RGS17: variants seen among roughly 807,000 people sequenced by gnomAD.
The protein encoded by RGS17 is regulator of G-protein signaling 17.
Under a neutral mutation model 25.5 loss-of-function variants are expected in RGS17, and 12 were observed. The observed-to-expected ratio is 0.47, with a 90% confidence interval of 0.30 to 0.76. The LOEUF (loss-of-function observed/expected upper bound fraction) is 0.76. Among genes scored for constraint, RGS17 ranks in the 30% least tolerant of loss-of-function variants. The probability of loss-of-function intolerance (pLI) is 0.07; values close to 1 mark genes in which losing one functional copy is unlikely to be tolerated. For synonymous variants in RGS17, 71 were observed against 76.9 expected (o/e 0.92, Z 0.40); for missense variants, 196 against 242.2 (o/e 0.81, Z 1.27).
At chr6:153,032,555 C>T (rs531129093) in intron 2 of RGS17, among the ~76,000 whole-genome samples, 12 of 140,188 alleles carry the variant, frequency 8.6e-5, no homozygotes, top group Admixed American at 3.0e-4. Context: ...AAAGTTTCTG[C>T]GGGTAAATAC....
intron 1 of RGS17, among the ~76,000 whole-genome samples, chr6:153,048,717 A>C (rs1325717609): frequency 6.6e-6 from 1 of 152,184 alleles, no homozygotes; most frequent in African/African-American, 2.4e-5. Context: ...GTATTTACTG[A>C]AATGTTACAT....
intron 2 of RGS17, among the ~76,000 whole-genome samples, chr6:153,033,462 A>G (rs944801012): frequency 6.6e-6 from 1 of 152,186 alleles, no homozygotes; most frequent in African/African-American, 2.4e-5. Flanking sequence ...TCATGCTTGT[A>G]ATCCCAGCAC....
chr6:153,117,971 A>G (rs1219840705), intron 1 of RGS17, among the ~76,000 whole-genome samples: 3 of 152,250 alleles, frequency 2.0e-5, no homozygotes, highest in Non-Finnish European at 1.5e-5. Context: ...GGAGGGATGA[A>G]GAAGGGACCA....
intron 4 of RGS17, among the ~76,000 whole-genome samples, chr6:153,021,723 C>T (rs1287438423): frequency 6.6e-6 from 1 of 152,006 alleles, no homozygotes; most frequent in African/African-American, 2.4e-5. Flanking sequence ...GTCTCTGTTT[C>T]TTTGTGATAT....
At chr6:153,128,513 C>T (rs377002071) in intron 1 of RGS17, among the ~76,000 whole-genome samples, 1 of 152,142 alleles carries the variant, frequency 6.6e-6, no homozygotes, top group Non-Finnish European at 1.5e-5. Context: ...ATTATCTCTA[C>T]GGCTTTAGAT....
chr6:153,017,141 C>G (rs1779193429), intron 4 of RGS17, among the ~76,000 whole-genome samples: 1 of 152,190 alleles, frequency 6.6e-6, no homozygotes, highest in Admixed American at 6.5e-5. Flanking sequence ...AGCACAAAAG[C>G]ACTACCCTTG....
chr6:153,129,037 A>T (rs1777746176), intron 1 of RGS17, among the ~76,000 whole-genome samples: 1 of 152,244 alleles, frequency 6.6e-6, no homozygotes, highest in Admixed American at 6.5e-5. Context: ...GACTAATTTC[A>T]GGAGGAAGGA....
intron 1 of RGS17, among the ~76,000 whole-genome samples, chr6:153,100,989 T>C (rs1398818596): frequency 6.6e-6 from 1 of 152,188 alleles, no homozygotes; most frequent in Non-Finnish European, 1.5e-5. Context: ...TGTACTGGAG[T>C]CTCTCTGAGC....
At position 153,008,601 on chromosome 6, in the gene RGS17, C is replaced by T. The variant is rs1779101696; in HGVS notation, c.*2973G>A. The T allele has an allele frequency of 6.6e-6, 1 of 152,208 alleles. No individual in the cohort carries two copies. Among genetic ancestry groups the T allele is most frequent in the South Asian group, 2.1e-4 (1 of 4,836 alleles). The allele number at this position is 152,208 out of a possible 1,614,324, so 9.4% of individuals were successfully genotyped here. On this transcript the variant is annotated 3_prime_UTR_variant, in exon 5 of 5. Transcript: ENST00000206262. ...TATCCTCTACTTTCTTTTATAGATA[C>T]ATCTAAAGTTAGGCACTATAGAAAG... is the stretch of plus-strand genomic sequence containing the variant.
chr6:153,129,078 A>T (rs1176586904), intron 1 of RGS17, among the ~76,000 whole-genome samples: 10 of 152,350 alleles, frequency 6.6e-5, no homozygotes, highest in Non-Finnish European at 7.4e-5. Context: ...ATCACGTGTC[A>T]TTGCCATGGA....
At chr6:153,117,569 CATTA>C (rs1254355169) in intron 1 of RGS17, among the ~76,000 whole-genome samples, 22 of 152,156 alleles carry the variant, frequency 1.4e-4, no homozygotes, top group Admixed American at 1.4e-3. Flanking sequence ...ATATTAGTAC[CATTA>C]ATATTAGTAC....
Position 153,120,736 on chromosome 6 carries a change from T to C in RGS17, c.-26+10388A>G, listed in dbSNP as rs1777618324. On this transcript the variant is annotated intron_variant, in intron 1 of 4. Transcript: ENST00000206262. ...TGTCTTCTTTTTTAGCCTTATCATC[T>C]AGTGATTTCCTGCGAGTACTGTATG... Among the ~76,000 whole-genome samples, 3 of 152,248 alleles carry C rather than the reference T, an allele frequency of 2.0e-5. No individual in the cohort carries two copies. In the South Asian group the frequency reaches 6.2e-4, roughly 31 times the overall value.
chr6:153,064,708 CA>C, intron 1 of RGS17, among the ~76,000 whole-genome samples: 2 of 151,800 alleles, frequency 1.3e-5, no homozygotes. Context: ...TTTGTTTATG[CA>C]AACAGTGTTA....
At chr6:153,052,686 A>C (rs1185545989) in intron 1 of RGS17, among the ~76,000 whole-genome samples, 1 of 152,084 alleles carries the variant, frequency 6.6e-6, no homozygotes. Flanking sequence ...ACAAGTTAAG[A>C]CTTTTGAGGC....
chr6:153,047,933 C>G (rs917067777), intron 1 of RGS17, among the ~76,000 whole-genome samples: 1 of 152,290 alleles, frequency 6.6e-6, no homozygotes, highest in African/African-American at 2.4e-5. Flanking sequence ...TTGCAGTCTA[C>G]TTTCTTGTTT....
intron 1 of RGS17, among the ~76,000 whole-genome samples, chr6:153,066,777 C>G (rs749708021): frequency 1.3e-5 from 2 of 152,128 alleles, no homozygotes; most frequent in Non-Finnish European, 1.5e-5. Flanking sequence ...CGCGGTGGCT[C>G]ACACCTGTAA....
intron 1 of RGS17, among the ~76,000 whole-genome samples, chr6:153,053,033 C>T (rs1490239482): frequency 6.7e-6 from 1 of 149,042 alleles, no homozygotes; most frequent in Admixed American, 6.7e-5. Flanking sequence ...TCTCAGACTT[C>T]AACTTTCAGA....
chr6:153,020,097 TC>T (rs1404633812), intron 4 of RGS17, among the ~76,000 whole-genome samples: 2 of 70,242 alleles, frequency 2.8e-5, no homozygotes, highest in African/African-American at 1.7e-4. Context: ...ATTGCAAATA[TC>T]TTAAAAAAAA....
chr6:153,101,360 A>C (rs1163752533), intron 1 of RGS17, among the ~76,000 whole-genome samples: 1 of 152,214 alleles, frequency 6.6e-6, no homozygotes, highest in Non-Finnish European at 1.5e-5. Flanking sequence ...TGCAGGGCCA[A>C]CTGGGCACTT....
Sources: allele counts gnomAD v4.1 joint callset (sites outside exome capture counted in the v4.1 genomes callset), GRCh38; gene constraint gnomAD v4.1.1; transcripts MANE v1.5; gene names NCBI Gene and HGNC (gene_info 2026-07-23, HGNC 2026-07-21).